Variants in PDE11A observed in about 807,000 individuals in gnomAD.
The protein encoded by PDE11A is dual 3',5'-cyclic-AMP and -GMP phosphodiesterase 11A.
Under a neutral mutation model 100.5 loss-of-function variants are expected in PDE11A, and 100 were observed. The ratio of observed to expected loss-of-function variants is 1.00; its 90% CI spans 0.85 to 1.18. PDE11A has a LOEUF of 1.18. Among genes scored for constraint, PDE11A ranks in the 50% most tolerant of loss-of-function variants. The pLI, the probability that PDE11A is intolerant of heterozygous loss-of-function variation, is 0.00. For missense variants in PDE11A, 1,141 were observed against 1,152.6 expected, an observed-to-expected ratio of 0.99 and a Z score of 0.15; for synonymous variants, 381 against 420.8, an observed-to-expected ratio of 0.91 and a Z score of 1.16.
At chr2:177,802,039 A>T (rs1366607195) in intron 9 of PDE11A, among the ~76,000 whole-genome samples, 3 of 152,116 alleles carry the variant, frequency 2.0e-5, no homozygotes, top group Non-Finnish European at 2.9e-5. Context: ...CAATCCTATT[A>T]AAAGTGGGCA....
At chr2:178,016,131 ATTTTTTTTTTTT>A (rs55638601) in intron 1 of PDE11A, among the ~76,000 whole-genome samples, 102 of 83,750 alleles carry the variant, frequency 1.2e-3, no homozygotes, top group Admixed American at 3.2e-3. Context: ...TGCCTGGCTA[ATTTTTTTTTTTT>A]TTTTTTTTTT....
At chr2:178,046,583 G>A (rs1321875975) in intron 1 of PDE11A, among the ~76,000 whole-genome samples, 2 of 152,134 alleles carry the variant, frequency 1.3e-5, no homozygotes, top group Non-Finnish European at 2.9e-5. Flanking sequence ...TAGTCATTGA[G>A]TCAGAAGGTG....
intron 2 of PDE11A, among the ~76,000 whole-genome samples, chr2:178,081,617 C>G (rs1290979365): frequency 1.3e-5 from 2 of 152,174 alleles, no homozygotes; most frequent in African/African-American, 4.8e-5. Context: ...TTTTCCCCTA[C>G]TAAATGAGCT....
intron 2 of PDE11A, among the ~76,000 whole-genome samples, chr2:177,968,530 T>C (rs1405293547): frequency 6.6e-6 from 1 of 152,210 alleles, no homozygotes; most frequent in African/African-American, 2.4e-5. Context: ...AACTACTACA[T>C]ACAATTCCAA....
chr2:178,038,866 CAAG>C (rs1218025050), intron 1 of PDE11A: 3 of 152,138 alleles, frequency 2.0e-5, no homozygotes, highest in African/African-American at 4.8e-5. Flanking sequence ...TGCAGCGGAA[CAAG>C]AAGAACACTG....
intron 2 of PDE11A, among the ~76,000 whole-genome samples, chr2:177,926,550 T>C (rs970507310): frequency 3.9e-5 from 6 of 152,048 alleles, no homozygotes; most frequent in East Asian, 3.9e-4. Context: ...CTCTAGGGAG[T>C]AAAATATGAA....
At chr2:178,008,945 G>A (rs2086244068) in intron 2 of PDE11A, among the ~76,000 whole-genome samples, 1 of 152,174 alleles carries the variant, frequency 6.6e-6, no homozygotes, top group South Asian at 2.1e-4. Context: ...ATTAGCCAAA[G>A]AAGAACTTCA....
intron 19 of PDE11A, among the ~76,000 whole-genome samples, chr2:177,653,408 CTT>C (rs953077477): frequency 3.9e-5 from 6 of 152,330 alleles, no homozygotes; most frequent in South Asian, 2.1e-4. Flanking sequence ...TTCTTTCCCT[CTT>C]GTTTCCAGGC....
intron 2 of PDE11A, among the ~76,000 whole-genome samples, chr2:177,945,933 T>TGCCC (rs2085416551): frequency 7.8e-6 from 1 of 128,056 alleles, no homozygotes; most frequent in Non-Finnish European, 1.6e-5. Flanking sequence ...GGGGTGCCTC[T>TGCCC]GCCCGCCCGC....
chr2:177,760,429 T>C (rs897419429), intron 10 of PDE11A, among the ~76,000 whole-genome samples: 1 of 152,294 alleles, frequency 6.6e-6, no homozygotes. Context: ...GCTTTGGAAA[T>C]TACTTATATG....
At chr2:177,830,285 C>A (rs933817708) in intron 6 of PDE11A, among the ~76,000 whole-genome samples, 1 of 152,204 alleles carries the variant, frequency 6.6e-6, no homozygotes, top group Non-Finnish European at 1.5e-5. Context: ...TTCTGACCCA[C>A]AGAAACTGTG....
chr2:177,803,703 A>G (rs1422466695), intron 9 of PDE11A, among the ~76,000 whole-genome samples: 2 of 152,114 alleles, frequency 1.3e-5, no homozygotes, highest in Admixed American at 6.6e-5. Context: ...AACAAAAACC[A>G]TAAGATCATC....
intron 1 of PDE11A, among the ~76,000 whole-genome samples, chr2:178,059,888 T>C (rs2086945600): frequency 6.6e-6 from 1 of 152,190 alleles, no homozygotes; most frequent in African/African-American, 2.4e-5. Context: ...ATGCAGTGAC[T>C]GGATGGGACT....
intron 15 of PDE11A, among the ~76,000 whole-genome samples, chr2:177,681,733 C>T (rs2080868335): frequency 6.6e-6 from 1 of 152,200 alleles, no homozygotes; most frequent in Non-Finnish European, 1.5e-5. Context: ...GGGAGTTGGA[C>T]ATGTCTCATT....
intron 2 of PDE11A, among the ~76,000 whole-genome samples, chr2:178,000,692 ACT>A (rs1342802706): frequency 6.6e-6 from 1 of 152,176 alleles, no homozygotes; most frequent in Non-Finnish European, 1.5e-5. Flanking sequence ...ATGATTTCTA[ACT>A]CTCTGTTAGT....
chr2:178,047,923 T>C (rs2086773105), intron 1 of PDE11A, among the ~76,000 whole-genome samples: 1 of 152,172 alleles, frequency 6.6e-6, no homozygotes, highest in South Asian at 2.1e-4. Context: ...TGCCCCTTCT[T>C]GCTCCCAGGC....
chr2:177,845,848 G>A (rs1422163435), intron 5 of PDE11A, among the ~76,000 whole-genome samples: 1 of 152,218 alleles, frequency 6.6e-6, no homozygotes, highest in Non-Finnish European at 1.5e-5. Context: ...GGCCAACACA[G>A]CGAAACCCCG....
chr2:177,914,171 C>T (rs1322425343), intron 2 of PDE11A, among the ~76,000 whole-genome samples: 1 of 151,972 alleles, frequency 6.6e-6, no homozygotes, highest in African/African-American at 2.4e-5. Context: ...AAAATATGGC[C>T]TCTTTTGCTT....
chr2:177,816,780 T>C (rs1415233401), intron 9 of PDE11A, 49 bp downstream of exon 9: 1 of 1,086,182 alleles, frequency 9.2e-7, no homozygotes, highest in Admixed American at 1.7e-5. Flanking sequence ...TTTTCCCTCA[T>C]AAAATTAGAG....
Sources: gnomAD v4.1 joint callset for allele counts (sites outside exome capture counted in the v4.1 genomes callset) on GRCh38, gnomAD v4.1.1 for gene constraint, MANE v1.5 for transcripts, NCBI Gene and HGNC (gene_info 2026-07-23, HGNC 2026-07-21) for gene names.